The following HYDIN variants were observed in gnomAD, a reference collection of about 807,000 sequenced individuals.
The protein encoded by HYDIN is HYDIN axonemal central pair apparatus protein, also known as axonemal central pair apparatus protein HYDIN.
HYDIN carries 132 observed loss-of-function variants against 403.9 expected under a neutral mutation model. The observed-to-expected ratio is 0.33, with a 90% confidence interval of 0.28 to 0.38. HYDIN has a LOEUF of 0.38. Among genes scored for constraint, HYDIN ranks in the 10% least tolerant of loss-of-function variants. The probability of loss-of-function intolerance (pLI) is 1.00; values close to 1 mark genes in which losing one functional copy is unlikely to be tolerated. For missense variants in HYDIN, 2,827 were observed against 5,009.5 expected, an observed-to-expected ratio of 0.56 and a Z score of 13.15; for synonymous variants, 1,202 against 1,891.7, an observed-to-expected ratio of 0.64 and a Z score of 9.46.
At chr16:71,130,734 C>T (rs1369291069) in intron 8 of HYDIN, among the ~76,000 whole-genome samples, 6 of 151,542 alleles carry the variant, frequency 4.0e-5, no homozygotes, top group Admixed American at 2.6e-4. Context: ...ATGATCCACC[C>T]GCCTCGGCCT....
chr16:70,896,158 G>A (rs907360647), intron 53 of HYDIN, 78 bp from the exon 54 acceptor site: 199 of 1,568,620 alleles, frequency 1.3e-4, no homozygotes, highest in East Asian at 9.4e-4. Flanking sequence ...ATATCCTAAC[G>A]GGGATACGGC....
intron 35 of HYDIN, among the ~76,000 whole-genome samples, chr16:70,972,050 A>AT (rs56408414): frequency 0.47 from 70,012 of 148,808 alleles, 17,962 homozygotes; most frequent in African/African-American, 0.68. Flanking sequence ...GAACAAATCT[A>AT]TTTTTTTTTT....
At chr16:71,201,166 A>G (rs1420103788) in intron 1 of HYDIN, among the ~76,000 whole-genome samples, 1 of 152,178 alleles carries the variant, frequency 6.6e-6, no homozygotes, top group Non-Finnish European at 1.5e-5. Flanking sequence ...ATAAATATGT[A>G]ACTAAATTTT....
Position 70,993,548 on chromosome 16 carries a change from T to C in HYDIN, c.3645-1338A>G, listed in dbSNP as rs1392414481. ...GTTCTTTCTTTGGAGCAGTATTCCA[T>C]AGTGTGGATGTTTTCCCATCTTTTT... On this transcript the variant is annotated intron_variant, in intron 23 of 85. Coordinates refer to ENST00000393567, the MANE Select transcript of HYDIN (RefSeq NM_001270974.2). 5.3e-5 allele frequency among the ~76,000 whole-genome samples: 8 copies of C among 152,152 alleles called. No individual in the cohort carries two copies. The East Asian group carries it at 9.7e-4, about 18-fold the overall frequency.
intron 7 of HYDIN, among the ~76,000 whole-genome samples, chr16:71,145,522 C>T (rs887717077): frequency 3.9e-5 from 6 of 152,148 alleles, no homozygotes; most frequent in Non-Finnish European, 5.9e-5. Flanking sequence ...CGATTACAGG[C>T]GTGAGTCACC....
intron 60 of HYDIN, among the ~76,000 whole-genome samples, chr16:70,882,162 G>A (rs1436621588): frequency 2.0e-5 from 3 of 152,180 alleles, no homozygotes; most frequent in African/African-American, 2.4e-5. Flanking sequence ...CTGTAGAATC[G>A]GGATAATAAT....
At chr16:70,901,715 A>G (rs1597268993) in intron 52 of HYDIN, among the ~76,000 whole-genome samples, 1 of 150,494 alleles carries the variant, frequency 6.6e-6, no homozygotes, top group African/African-American at 2.4e-5. Flanking sequence ...CCTCCTGAGT[A>G]GCTGGGATTA....
chr16:70,948,293 T>C (rs1738612318), intron 41 of HYDIN, among the ~76,000 whole-genome samples: 2 of 151,792 alleles, frequency 1.3e-5, no homozygotes, highest in Non-Finnish European at 2.9e-5. Context: ...TTACACCTTA[T>C]ACAAAAATCA....
chr16:71,174,882 T>C (rs756544566), intron 5 of HYDIN, among the ~76,000 whole-genome samples: 41 of 152,218 alleles, frequency 2.7e-4, no homozygotes, highest in Non-Finnish European at 5.9e-4. Context: ...GCTGAAACTA[T>C]GATATTATCT....
intron 18 of HYDIN, among the ~76,000 whole-genome samples, chr16:71,053,539 G>A (rs1444015966): frequency 1.3e-5 from 2 of 151,810 alleles, no homozygotes; most frequent in Admixed American, 6.6e-5. Context: ...ACGTAATTTT[G>A]AGCCTGAAAA....
intron 12 of HYDIN, among the ~76,000 whole-genome samples, chr16:71,082,555 A>G (rs1568126343): frequency 6.6e-6 from 1 of 151,558 alleles, no homozygotes; most frequent in Non-Finnish European, 1.5e-5. Flanking sequence ...GAATTTTGGT[A>G]AATGGAAATG....
intron 18 of HYDIN, among the ~76,000 whole-genome samples, chr16:71,045,369 C>T (rs1473743179): frequency 6.6e-6 from 1 of 152,158 alleles, no homozygotes; most frequent in Non-Finnish European, 1.5e-5. Context: ...CCCTGATGTG[C>T]TAAGAGTCCC....
intron 1 of HYDIN, among the ~76,000 whole-genome samples, chr16:71,194,823 T>C (rs57919410): frequency 0.04 from 6,034 of 152,272 alleles, 439 homozygotes; most frequent in African/African-American, 0.14. Context: ...ACTTCCAAGA[T>C]GGCTTATGAC....
At chr16:70,872,284 T>A in intron 64 of HYDIN, 105 bp from the exon 65 acceptor site, 1 of 541,496 alleles carries the variant, frequency 1.8e-6, no homozygotes, top group Non-Finnish European at 3.2e-6. Context: ...CTTCCATCCT[T>A]GGATGGCTAT....
intron 84 of HYDIN, 65 bp from the exon 85 acceptor site, chr16:70,810,072 C>G: frequency 6.9e-7 from 1 of 1,454,568 alleles, no homozygotes; most frequent in Non-Finnish European, 9.6e-7. Context: ...CACCTAGAGA[C>G]CTGCCCAAGG....
chr16:70,946,337 T>C (rs977668165), intron 41 of HYDIN, among the ~76,000 whole-genome samples: 4 of 143,508 alleles, frequency 2.8e-5, no homozygotes, highest in African/African-American at 1.0e-4. Context: ...GGAAAATATT[T>C]TGGAGGCTAG....
rs1044076839 is a variant in HYDIN at position 71,230,716 on chromosome 16, C to T, written c.-178G>A. 2 of 1,535,842 alleles carry T rather than the reference C, an allele frequency of 1.3e-6. No homozygotes were observed. The highest frequency in any genetic ancestry group is 2.7e-5 in the African/African-American group (2 of 73,044). ...CCGCCCGAGCTGTTGCCGTCCGTTG[C>T]CACGGTAACCACGGAGCCGCACAGC... is the stretch of plus-strand genomic sequence containing the variant. On this transcript the variant is annotated 5_prime_UTR_variant, in exon 1 of 86. Transcript: ENST00000393567.
In HYDIN at chr16:70,828,472, T is replaced by C. The variant is rs1597058229; in HGVS notation, c.14113-43A>G. On this transcript the variant is annotated intron_variant, in intron 81 of 85. Coordinates refer to ENST00000393567, the MANE Select transcript of HYDIN (RefSeq NM_001270974.2). ...GTGATCAGAATGCCACACAGCATTC[T>C]TTACTAGGTACTTATTGGACATGTA... The C allele has an allele frequency of 2.6e-6, 4 of 1,539,606 alleles. No homozygotes were observed. In the East Asian group the frequency reaches 9.1e-5, roughly 35 times the overall value.
intron 73 of HYDIN, chr16:70,852,751 G>A (rs1408965087): frequency 1.3e-5 from 2 of 152,256 alleles, no homozygotes; most frequent in African/African-American, 2.4e-5. Context: ...GATGGAAGAG[G>A]CCCTCAGGCC....
Sources: gnomAD v4.1 joint callset for allele counts (sites outside exome capture counted in the v4.1 genomes callset) on GRCh38, gnomAD v4.1.1 for gene constraint, MANE v1.5 for transcripts, NCBI Gene and HGNC (gene_info 2026-07-23, HGNC 2026-07-21) for gene names.